The following PAX8 variants were observed in gnomAD, a reference collection of about 807,000 sequenced individuals.
PAX8 encodes the protein paired box protein Pax-8.
Under a neutral mutation model 52.4 loss-of-function variants are expected in PAX8, and 15 were observed. The ratio of observed to expected loss-of-function variants is 0.29; its 90% CI spans 0.19 to 0.44. The LOEUF (loss-of-function observed/expected upper bound fraction) is 0.44. Among genes scored for constraint, PAX8 ranks in the 20% least tolerant of loss-of-function variants. The pLI is 1.00. For synonymous variants in PAX8, 284 were observed against 249.7 expected, an observed-to-expected ratio of 1.14 and a Z score of -1.29; for missense variants, 554 against 602.5, an observed-to-expected ratio of 0.92 and a Z score of 0.84.
chr2:113,229,951 G>A (rs577369876), intron 9 of PAX8, among the ~76,000 whole-genome samples: 1 of 152,196 alleles, frequency 6.6e-6, no homozygotes, highest in African/African-American at 2.4e-5. Flanking sequence ...GAGAGAGAGA[G>A]AAAGGGAACT....
chr2:113,259,823 C>T (rs1692534460), intron 2 of PAX8, among the ~76,000 whole-genome samples: 1 of 152,228 alleles, frequency 6.6e-6, no homozygotes, highest in South Asian at 2.1e-4. Context: ...TTCCTAGACA[C>T]TTGCAGACTC....
chr2:113,248,973 GAAAA>G (rs925920578), intron 2 of PAX8, among the ~76,000 whole-genome samples: 1 of 149,042 alleles, frequency 6.7e-6, no homozygotes, highest in African/African-American at 2.5e-5. Context: ...TCAAAAAAAA[GAAAA>G]AAAAGGGAGG....
chr2:113,226,789 C>A lies in PAX8; in HGVS notation c.1189+366G>T, dbSNP rs1003048885. The A allele has an allele frequency of 2.5e-6, 3 of 1,212,002 alleles. No individual in the cohort carries two copies. The African/African-American group carries it at 4.6e-5, about 19-fold the overall frequency. 75.1% of individuals were successfully genotyped at this position (1,212,002 alleles called of 1,614,324 possible). On this transcript the variant is annotated intron_variant, in intron 10 of 11. Transcript: ENST00000429538. ...AGCACTGCTTGAGGGTAGGGTTCAT[C>A]TTCCACTCACAGTGTTTTGGGGCCC...
chr2:113,260,702 G>A lies in PAX8; in HGVS notation c.26-13783C>T, dbSNP rs779392137. On this transcript the variant is annotated intron_variant, in intron 2 of 11. Transcript: ENST00000429538. ...TCACATAAAGATGCCTCCCTCACCC[G>A]GACAGTTGAACTAAATGACCTCTAA... Among the ~76,000 whole-genome samples the A allele has an allele frequency of 8.5e-5, 13 of 152,126 alleles. No individual in the cohort carries two copies. The South Asian group carries it at 1.5e-3, about 17-fold the overall frequency.
chr2:113,251,177 C>T (rs1235343273), intron 2 of PAX8, among the ~76,000 whole-genome samples: 1 of 152,068 alleles, frequency 6.6e-6, no homozygotes, highest in African/African-American at 2.4e-5. Flanking sequence ...TTCCTGTGTC[C>T]GGTGTGGGGG....
intron 10 of PAX8, chr2:113,226,681 A>G (rs1689598378): frequency 2.7e-6 from 3 of 1,105,518 alleles, no homozygotes; most frequent in Non-Finnish European, 3.3e-6. Flanking sequence ...CATCATCATC[A>G]TCATCATCAT....
chr2:113,277,538 C>T (rs1247591976), intron 2 of PAX8, among the ~76,000 whole-genome samples: 2 of 152,212 alleles, frequency 1.3e-5, no homozygotes, highest in African/African-American at 4.8e-5. Flanking sequence ...TCTCTGCGGC[C>T]GGCCGGGCTC....
Position 113,235,413 on chromosome 2 carries a change from C to A in PAX8, c.1068G>T (p.Thr356=). 2 of 1,591,874 alleles carry A rather than the reference C, an allele frequency of 1.3e-6. No homozygotes were observed. The highest frequency in any genetic ancestry group is 2.3e-5 in the East Asian group (1 of 43,686). ...TCGTACCTGAGAGGAGGGCCTGGCC[C>A]GTGAACTGCCCGTACACGGAGGCAG... is the stretch of plus-strand genomic sequence containing the variant. ...PHAASVYGQF[T]GQALLSGREM... is the part of the protein sequence containing the mutation. Residue 356 remains threonine, a synonymous_variant, in exon 9 of 12, where the codon ACG becomes ACT. Transcript: ENST00000429538.
intron 9 of PAX8, among the ~76,000 whole-genome samples, chr2:113,230,805 T>C (rs1374853233): frequency 1.3e-5 from 2 of 152,250 alleles, no homozygotes; most frequent in African/African-American, 2.4e-5. Flanking sequence ...GGCCTAACCA[T>C]GCCCTCTTAC....
At chr2:113,277,200 G>GGGCC (rs1003856227) in intron 2 of PAX8, among the ~76,000 whole-genome samples, 18 of 152,310 alleles carry the variant, frequency 1.2e-4, no homozygotes, top group Middle Eastern at 6.8e-3. Context: ...AGGGGAATGG[G>GGGCC]GGCCGGGAGG....
chr2:113,245,918 G>A (rs1691281339), intron 3 of PAX8, among the ~76,000 whole-genome samples: 1 of 152,158 alleles, frequency 6.6e-6, no homozygotes, highest in African/African-American at 2.4e-5. Flanking sequence ...TCCAACCAGG[G>A]CTCCTCCTAA....
At chr2:113,255,659 C>T (rs1436589915) in intron 2 of PAX8, 1 of 152,172 alleles carries the variant, frequency 6.6e-6, no homozygotes, top group East Asian at 1.9e-4. Context: ...CATTTTACAC[C>T]ACTAAGGAAA....
chr2:113,248,789 T>C (rs1691528369), intron 2 of PAX8, among the ~76,000 whole-genome samples: 1 of 151,022 alleles, frequency 6.6e-6, no homozygotes, highest in Admixed American at 6.6e-5. Context: ...TGAAACCCCA[T>C]CTCTACTAAA....
chr2:113,252,396 T>G (rs2104528441), intron 2 of PAX8, among the ~76,000 whole-genome samples: 1 of 152,334 alleles, frequency 6.6e-6, no homozygotes, highest in South Asian at 2.1e-4. Flanking sequence ...CAGCTAATCC[T>G]CTTGGCTTGG....
At chr2:113,271,515 T>C (rs1228642649) in intron 2 of PAX8, 1 of 151,870 alleles carries the variant, frequency 6.6e-6, no homozygotes, top group Non-Finnish European at 1.5e-5. Context: ...ACTTCTCCAT[T>C]TCACAGATGG....
At chr2:113,233,889 T>C (rs1690070735) in intron 9 of PAX8, among the ~76,000 whole-genome samples, 1 of 152,168 alleles carries the variant, frequency 6.6e-6, no homozygotes, top group Non-Finnish European at 1.5e-5. Flanking sequence ...CAAGAGAGCA[T>C]TGAGAGGCCC....
In PAX8 at chr2:113,264,441, G is replaced by T. The variant is rs543809331; in HGVS notation, c.25+13929C>A. ...TAGCAATATCATGGGAAAGGATCAG[G>T]TGTATTTCATGTTGGAAAAACTTCA... is the stretch of plus-strand genomic sequence containing the variant. On this transcript the variant is annotated intron_variant, in intron 2 of 11. Transcript: ENST00000429538. Among the ~76,000 whole-genome samples, 20 of 152,330 alleles carry T rather than the reference G, an allele frequency of 1.3e-4. No individual in the cohort carries two copies. The South Asian group carries it at 4.1e-3, about 32-fold the overall frequency.
chr2:113,243,351 C>T lies in PAX8; in HGVS notation c.390-573G>A, dbSNP rs574857900. The stretch of plus-strand genomic sequence containing the variant: ...GCTGACATCTTCAACTTCAGCCTAC[C>T]TTGTGCTCCCCTGCTCTTTATCTAC... On this transcript the variant is annotated intron_variant, in intron 4 of 11. Coordinates refer to ENST00000429538, the MANE Select transcript of PAX8 (RefSeq NM_003466.4). Among the ~76,000 whole-genome samples, 19 of 152,260 alleles carry T rather than the reference C, an allele frequency of 1.2e-4. No homozygotes were observed. The East Asian group carries it at 3.5e-3, about 28-fold the overall frequency.
intron 2 of PAX8, among the ~76,000 whole-genome samples, chr2:113,277,227 C>A (rs1693880856): frequency 6.6e-6 from 1 of 152,152 alleles, no homozygotes. Flanking sequence ...TCGTCTGCAG[C>A]TCTAGAGAGA....
Sources: allele counts gnomAD v4.1 joint callset (sites outside exome capture counted in the v4.1 genomes callset), GRCh38; gene constraint gnomAD v4.1.1; transcripts MANE v1.5; gene names NCBI Gene and HGNC (gene_info 2026-07-23, HGNC 2026-07-21).